PI4K2B: variants seen among roughly 807,000 people sequenced by gnomAD.
PI4K2B encodes phosphatidylinositol 4-kinase type 2-beta.
A neutral mutation model predicts 56.6 loss-of-function variants in PI4K2B; 46 were observed. The ratio of observed to expected loss-of-function variants is 0.81; its 90% CI spans 0.64 to 1.04. The LOEUF (loss-of-function observed/expected upper bound fraction) is 1.04, where lower values mean the gene tolerates loss of function less well. Among genes scored for constraint, PI4K2B ranks in the 50% least tolerant of loss-of-function variants. The pLI is 0.00. For missense variants in PI4K2B, 556 were observed against 607.7 expected (o/e 0.91, Z 0.89); for synonymous variants, 211 against 223.8 (o/e 0.94, Z 0.51).
chr4:25,243,764 G>A (rs35689566), intron 1 of PI4K2B, among the ~76,000 whole-genome samples: 6,433 of 152,252 alleles, frequency 0.042, 189 homozygotes, highest in East Asian at 0.15. Flanking sequence ...AGTTATGGTG[G>A]ACATCATTGA....
At chr4:25,238,427 T>G (rs1434603896) in intron 1 of PI4K2B, among the ~76,000 whole-genome samples, 1 of 152,222 alleles carries the variant, frequency 6.6e-6, no homozygotes, top group Non-Finnish European at 1.5e-5. Context: ...TAACTACTGG[T>G]GCTATTGTGT....
Position 25,259,077 on chromosome 4 carries a change from C to A in PI4K2B, c.797C>A (p.Ala266Asp). ...TTATTTGTTGAAGGTTACAAGGAGGCTGAATATTGGCTTAGGAAATTTGAA... is the reference window on the plus strand; with the variant it reads ...TTATTTGTTGAAGGTTACAAGGAGGATGAATATTGGCTTAGGAAATTTGAA... The part of the protein sequence containing the change: ...FQLFVEGYKE[A>D]EYWLRKFEAD... Residue 266 changes from alanine (A) to aspartate (D), a missense_variant, in exon 5 of 10, where the codon GCT (alanine) becomes GAT (aspartate). Physicochemically the swap from Ala to Asp is moderately radical, Grantham distance 126 (BLOSUM62 -2). Coordinates refer to ENST00000264864, the MANE Select transcript of PI4K2B (RefSeq NM_018323.4). 3 of 1,589,170 alleles carry A rather than the reference C, an allele frequency of 1.9e-6. No individual in the cohort carries two copies. The South Asian group carries it at 3.3e-5, about 18-fold the overall frequency.
At chr4:25,265,414 T>G (rs1716631214) in intron 7 of PI4K2B, among the ~76,000 whole-genome samples, 1 of 152,136 alleles carries the variant, frequency 6.6e-6, no homozygotes, top group Non-Finnish European at 1.5e-5. Context: ...CTTTTTCTTT[T>G]ATAGATTTAT....
intron 2 of PI4K2B, among the ~76,000 whole-genome samples, chr4:25,254,637 TCTC>T (rs1167506496): frequency 6.6e-6 from 1 of 152,016 alleles, no homozygotes; most frequent in African/African-American, 2.4e-5. Context: ...ATGGTCTCGA[TCTC>T]CTGACCTCAT....
At chr4:25,239,530 G>A (rs372569254) in intron 1 of PI4K2B, among the ~76,000 whole-genome samples, 18 of 150,584 alleles carry the variant, frequency 1.2e-4, no homozygotes, top group East Asian at 9.7e-4. Flanking sequence ...CTCCGACTGC[G>A]GAACCTGCCA....
chr4:25,264,905 A>C (rs560302509), intron 7 of PI4K2B, among the ~76,000 whole-genome samples: 1 of 151,848 alleles, frequency 6.6e-6, no homozygotes, highest in East Asian at 1.9e-4. Flanking sequence ...TAGTATGTTT[A>C]AAAAATCTGG....
chr4:25,234,185 G>C lies in PI4K2B; in HGVS notation c.22G>C (p.Asp8His). 1 of 1,401,014 alleles carries C rather than the reference G, an allele frequency of 7.1e-7. No individual in the cohort carries two copies. The highest frequency in any genetic ancestry group is 9.3e-7 in the Non-Finnish European group (1 of 1,076,900). 86.8% of individuals were successfully genotyped at this position (1,401,014 alleles called of 1,614,324 possible). The stretch of plus-strand genomic sequence containing the variant: ...GTCCATGGAGGATCCCTCCGAGCCC[G>C]ACCGGTTGGCGTCCGCGGACGGCGG... MEDPSEP[D>H]RLASADGGSP... Residue 8 changes from aspartate (D) to histidine (H), a missense_variant, in exon 1 of 10, where the codon GAC becomes CAC. Coordinates refer to ENST00000264864, the MANE Select transcript of PI4K2B (RefSeq NM_018323.4).
chr4:25,269,622 A>G (rs1045789933), intron 9 of PI4K2B, among the ~76,000 whole-genome samples: 13 of 150,570 alleles, frequency 8.6e-5, no homozygotes, highest in Non-Finnish European at 1.5e-4. Flanking sequence ...CTGAGCAACA[A>G]GAGCAAAACT....
chr4:25,277,505 AC>A lies in PI4K2B; in HGVS notation c.*319del, dbSNP rs1717149515. 5.6e-6 allele frequency: 1 copy of A among 178,816 alleles called. No individual in the cohort carries two copies. The highest frequency in any genetic ancestry group is 2.4e-5 in the African/African-American group (1 of 42,388). 11.1% of individuals were successfully genotyped at this position (178,816 alleles called of 1,614,324 possible). On this transcript the variant is annotated 3_prime_UTR_variant, in exon 10 of 10. Coordinates refer to ENST00000264864, the MANE Select transcript of PI4K2B (RefSeq NM_018323.4). ...CTAGAATTCCAAGTAGAATACAATAACTTTTAATATTGAGAAGAATGTTCAT... is the reference window on the plus strand; with the variant it reads ...CTAGAATTCCAAGTAGAATACAATAATTTTAATATTGAGAAGAATGTTCAT...
At position 25,278,103 on chromosome 4, in the gene PI4K2B, A is replaced by G. The variant is rs1261098624; in HGVS notation, c.*916A>G. ...AGGTCATACGTTCTTCAAAATTATT[A>G]TGATTGTACTATTGTACTTGAAATT... is the stretch of plus-strand genomic sequence containing the variant. On this transcript the variant is annotated 3_prime_UTR_variant, in exon 10 of 10. Transcript: ENST00000264864. 2.0e-5 allele frequency: 3 copies of G among 152,224 alleles called. No individual in the cohort carries two copies. Among genetic ancestry groups the G allele is most frequent in the Non-Finnish European group, 4.4e-5 (3 of 68,030 alleles). The allele number at this position is 152,224 out of a possible 1,614,324, so 9.4% of individuals were successfully genotyped here.
chr4:25,239,033 C>G (rs1435293390), intron 1 of PI4K2B, among the ~76,000 whole-genome samples: 1 of 152,204 alleles, frequency 6.6e-6, no homozygotes, highest in Non-Finnish European at 1.5e-5. Flanking sequence ...CAAGTCCCCA[C>G]TAGATTAGCT....
rs751033047 is a variant in PI4K2B, at chr4:25,277,194, T to A, written c.*7T>A. The A allele has an allele frequency of 1.9e-6, 3 of 1,609,094 alleles. No individual in the cohort carries two copies. Among genetic ancestry groups the A allele is most frequent in the Non-Finnish European group, 2.6e-6 (3 of 1,175,988 alleles). ...ATTTTTTTCCTCCTGGTAGTAAATG[T>A]CAGAGTAAGAGAAACAAACTGTTTA... On this transcript the variant is annotated 3_prime_UTR_variant, in exon 10 of 10. Coordinates refer to ENST00000264864, the MANE Select transcript of PI4K2B (RefSeq NM_018323.4).
At chr4:25,266,677 T>C (rs771913763) in intron 7 of PI4K2B, among the ~76,000 whole-genome samples, 1 of 152,152 alleles carries the variant, frequency 6.6e-6, no homozygotes, top group Non-Finnish European at 1.5e-5. Context: ...AAACATGCAG[T>C]TGGGGATTAA....
At chr4:25,275,969 A>G (rs1717079301) in intron 9 of PI4K2B, among the ~76,000 whole-genome samples, 1 of 152,154 alleles carries the variant, frequency 6.6e-6, no homozygotes. Flanking sequence ...CAATCAATCA[A>G]CCAACCATCT....
At chr4:25,272,507 A>T (rs1222710070) in intron 9 of PI4K2B, among the ~76,000 whole-genome samples, 1 of 152,122 alleles carries the variant, frequency 6.6e-6, no homozygotes. Flanking sequence ...TTTTTAAAAA[A>T]AAGTTGGTCT....
intron 1 of PI4K2B, among the ~76,000 whole-genome samples, chr4:25,246,717 G>T (rs1393303103): frequency 6.6e-6 from 1 of 152,242 alleles, no homozygotes; most frequent in Non-Finnish European, 1.5e-5. Flanking sequence ...GGAGCCCACG[G>T]CGGCGGGGGG....
intron 1 of PI4K2B, among the ~76,000 whole-genome samples, chr4:25,237,213 A>T (rs911962799): frequency 6.6e-6 from 1 of 152,240 alleles, no homozygotes; most frequent in Admixed American, 6.5e-5. Context: ...TGTTCTAGTT[A>T]TTTTAATCAG....
At chr4:25,235,065 CG>C (rs1215900230) in intron 1 of PI4K2B, among the ~76,000 whole-genome samples, 3 of 152,080 alleles carry the variant, frequency 2.0e-5, no homozygotes, top group Non-Finnish European at 4.4e-5. Flanking sequence ...TAACCTCAGG[CG>C]AAACAGGGCA....
intron 9 of PI4K2B, among the ~76,000 whole-genome samples, chr4:25,269,621 A>T (rs1330369815): frequency 6.6e-6 from 1 of 150,614 alleles, no homozygotes; most frequent in Non-Finnish European, 1.5e-5. Context: ...CCTGAGCAAC[A>T]AGAGCAAAAC....
Sources: allele counts gnomAD v4.1 joint callset (sites outside exome capture counted in the v4.1 genomes callset), GRCh38; gene constraint gnomAD v4.1.1; transcripts MANE v1.5; gene names NCBI Gene and HGNC (gene_info 2026-07-23, HGNC 2026-07-21).